CIMIP2C: variants seen among roughly 807,000 people sequenced by gnomAD.
CIMIP2C encodes UPF0573 protein C2orf70.
At chr2:26,569,016 C>CA in the CIMIP2C span, among the ~76,000 whole-genome samples, 9 of 132,060 alleles carry the variant, frequency 6.8e-5, no homozygotes, top group African/African-American at 2.6e-4. Flanking sequence ...GACTCAGTCT[C>CA]AAAAAAAAAA....
chr2:26,573,626 C>CT, the CIMIP2C span, among the ~76,000 whole-genome samples: 1 of 152,236 alleles, frequency 6.6e-6, no homozygotes, highest in Non-Finnish European at 1.5e-5. Context: ...CCAATTCCTC[C>CT]GTCTTCCCAG....
the CIMIP2C span, among the ~76,000 whole-genome samples, chr2:26,565,305 G>T: frequency 2.8e-3 from 432 of 152,256 alleles, 4 homozygotes; most frequent in African/African-American, 0.01. Context: ...TGGCCAGGCT[G>T]GTCTCGAACT....
chr2:26,572,183 C>G, the CIMIP2C span: 1 of 1,504,278 alleles, frequency 6.6e-7, no homozygotes, highest in Non-Finnish European at 8.9e-7. Context: ...CTCCACCCAC[C>G]CCCCAATTTT....
the CIMIP2C span, among the ~76,000 whole-genome samples, chr2:26,573,715 G>C: frequency 2.0e-5 from 3 of 152,360 alleles, no homozygotes; most frequent in African/African-American, 7.2e-5. Context: ...GAAGAGTCAG[G>C]ACCGCCAGGG....
the CIMIP2C span, chr2:26,577,655 C>T: frequency 1.7e-5 from 27 of 1,579,154 alleles, no homozygotes; most frequent in South Asian, 1.1e-4. Flanking sequence ...CCTTCATCTA[C>T]GCAGTCAAGA....
the CIMIP2C span, among the ~76,000 whole-genome samples, chr2:26,571,347 C>A: frequency 1.3e-5 from 2 of 152,286 alleles, no homozygotes; most frequent in African/African-American, 2.4e-5. Context: ...TCCTCCAGTA[C>A]CCACCCTGGG....
the CIMIP2C span, among the ~76,000 whole-genome samples, chr2:26,577,157 G>A: frequency 5.1e-4 from 78 of 152,236 alleles, 3 homozygotes; most frequent in Admixed American, 3.1e-3. Flanking sequence ...AAGGAGAGGG[G>A]GGAGGAAACA....
chr2:26,569,713 G>A, the CIMIP2C span, among the ~76,000 whole-genome samples: 3 of 152,238 alleles, frequency 2.0e-5, no homozygotes, highest in South Asian at 2.1e-4. Flanking sequence ...CCAGGGGTCC[G>A]GCTTGGCACA....
the CIMIP2C span, chr2:26,577,477 C>T: frequency 2.6e-6 from 4 of 1,559,196 alleles, no homozygotes; most frequent in Non-Finnish European, 3.5e-6. Flanking sequence ...CAGTCCTGTG[C>T]ACTAACAACC....
the CIMIP2C span, among the ~76,000 whole-genome samples, chr2:26,570,938 A>G: frequency 6.6e-6 from 1 of 152,100 alleles, no homozygotes. Context: ...GAGAGGTCAG[A>G]TGTGGAGGGT....
chr2:26,567,462 T>C, the CIMIP2C span, among the ~76,000 whole-genome samples: 2 of 152,220 alleles, frequency 1.3e-5, no homozygotes, highest in Non-Finnish European at 2.9e-5. Flanking sequence ...TAAACCTCTT[T>C]CCTTTATAAA....
the CIMIP2C span, among the ~76,000 whole-genome samples, chr2:26,566,212 C>G: frequency 6.6e-6 from 1 of 152,222 alleles, no homozygotes; most frequent in Admixed American, 6.5e-5. Context: ...CCCAGCGGCT[C>G]TCACCAAGAG....
At chr2:26,565,629 T>C in the CIMIP2C span, among the ~76,000 whole-genome samples, 1 of 152,208 alleles carries the variant, frequency 6.6e-6, no homozygotes, top group Admixed American at 6.5e-5. Flanking sequence ...CCTGGCTCCA[T>C]GACTTCCTTA....
At chr2:26,577,487 CT>C in the CIMIP2C span, 1 of 1,597,168 alleles carries the variant, frequency 6.3e-7, no homozygotes, top group Non-Finnish European at 8.6e-7. Context: ...CACTAACAAC[CT>C]GTCATCTCTT....
At chr2:26,569,016 C>CAA in the CIMIP2C span, among the ~76,000 whole-genome samples, 1 of 132,060 alleles carries the variant, frequency 7.6e-6, no homozygotes, top group African/African-American at 2.8e-5. Context: ...GACTCAGTCT[C>CAA]AAAAAAAAAA....
the CIMIP2C span, among the ~76,000 whole-genome samples, chr2:26,567,007 A>G: frequency 6.6e-6 from 1 of 152,230 alleles, no homozygotes; most frequent in South Asian, 2.1e-4. Flanking sequence ...TGCCTGGCCT[A>G]ATATAACATA....
At chr2:26,574,255 T>A in the CIMIP2C span, among the ~76,000 whole-genome samples, 1 of 152,084 alleles carries the variant, frequency 6.6e-6, no homozygotes, top group Admixed American at 6.5e-5. Context: ...TGGACTAAAG[T>A]TCAGTCTGCT....
At chr2:26,579,239 C>T in the CIMIP2C span, 4 of 1,593,688 alleles carry the variant, frequency 2.5e-6, no homozygotes, top group East Asian at 4.5e-5. Flanking sequence ...GGTGGGCACG[C>T]ACCACCTTCC....
the CIMIP2C span, among the ~76,000 whole-genome samples, chr2:26,574,159 G>A: frequency 1.3e-5 from 2 of 152,184 alleles, no homozygotes; most frequent in Non-Finnish European, 2.9e-5. Flanking sequence ...CTGCAGGACT[G>A]GGATGTAGAG....
Sources: gnomAD v4.1 joint callset for allele counts (sites outside exome capture counted in the v4.1 genomes callset) on GRCh38, gnomAD v4.1.1 for gene constraint, MANE v1.5 for transcripts, NCBI Gene and HGNC (gene_info 2026-07-23, HGNC 2026-07-21) for gene names.